OCM: variants seen among roughly 807,000 people sequenced by gnomAD.
OCM encodes the protein oncomodulin.
In OCM, 18 loss-of-function variants were observed where a neutral mutation model predicts 14.1. The ratio of observed to expected loss-of-function variants is 1.28; its 90% CI spans 0.88 to 1.89. OCM has a LOEUF of 1.89. OCM is among the 40% of genes most tolerant of loss of function. OCM has a pLI of 0.00. For missense variants in OCM, 140 were observed against 137.6 expected, an observed-to-expected ratio of 1.02 and a Z score of -0.09; for synonymous variants, 48 against 51.0, an observed-to-expected ratio of 0.94 and a Z score of 0.25.
chr7:5,870,545 G>A, the OCM span, among the ~76,000 whole-genome samples: 8 of 152,328 alleles, frequency 5.3e-5, no homozygotes, highest in East Asian at 3.9e-4. Flanking sequence ...ACTCCAGGCC[G>A]TGTAGGAAAA....
chr7:5,879,519 A>G (rs1005478197), upstream of OCM, among the ~76,000 whole-genome samples: 1 of 152,064 alleles, frequency 6.6e-6, no homozygotes, highest in African/African-American at 2.4e-5. Context: ...CCTGCCTCCA[A>G]CGGTACCTGC....
intron 1 of OCM, among the ~76,000 whole-genome samples, chr7:5,881,849 G>A (rs376273047): frequency 2.0e-5 from 3 of 151,972 alleles, no homozygotes; most frequent in African/African-American, 7.3e-5. Context: ...CACTTTGGGA[G>A]GCCGAGGCCG....
Position 5,886,208 on chromosome 7 carries a change from C to G in OCM, c.*119C>G, listed in dbSNP as rs1562532026. ...CTAATTTGTTAATTTTCCCTGAAAA[C>G]CTTCTGCAGTTTGCTCATTGTTTTA... On this transcript the variant is annotated 3_prime_UTR_variant, in exon 4 of 4. Coordinates refer to ENST00000242104, the MANE Select transcript of OCM (RefSeq NM_001097622.2). 1 of 1,292,724 alleles carries G rather than the reference C, an allele frequency of 7.7e-7. No homozygotes were observed. Among genetic ancestry groups the G allele is most frequent in the African/African-American group, 1.5e-5 (1 of 67,598 alleles). 80.1% of individuals were successfully genotyped at this position (1,292,724 alleles called of 1,614,324 possible). A position where few individuals can be genotyped will look rare whatever the true frequency, so the allele number is the denominator to read the frequency against.
At chr7:5,861,211 C>T in the OCM span, among the ~76,000 whole-genome samples, 3 of 152,082 alleles carry the variant, frequency 2.0e-5, no homozygotes, top group East Asian at 5.8e-4. Flanking sequence ...CACCTGAGGT[C>T]AGGAGTTCGA....
At chr7:5,869,597 A>T in the OCM span, among the ~76,000 whole-genome samples, 1 of 152,100 alleles carries the variant, frequency 6.6e-6, no homozygotes, top group Non-Finnish European at 1.5e-5. Context: ...CCATCTAAAA[A>T]AGAAAATTTA....
At chr7:5,878,875 T>TAAAAAAA (rs57901741), upstream of OCM, among the ~76,000 whole-genome samples, 2 of 102,022 alleles carry the variant, frequency 2.0e-5, no homozygotes, top group Admixed American at 1.1e-4. Flanking sequence ...TGCTGAAAGT[T>TAAAAAAA]AAAAAAAAAA....
At chr7:5,873,839 A>G in the OCM span, among the ~76,000 whole-genome samples, 3 of 152,008 alleles carry the variant, frequency 2.0e-5, no homozygotes, top group African/African-American at 2.4e-5. Context: ...AGAGAACATG[A>G]AAGTGGGTCC....
chr7:5,876,494 G>T (rs1336592462), upstream of OCM, among the ~76,000 whole-genome samples: 1 of 152,124 alleles, frequency 6.6e-6, no homozygotes, highest in Non-Finnish European at 1.5e-5. Context: ...ATGCTGGTTG[G>T]GAATCGTATT....
chr7:5,877,197 G>A (rs760902917), upstream of OCM, among the ~76,000 whole-genome samples: 1 of 152,030 alleles, frequency 6.6e-6, no homozygotes, highest in East Asian at 1.9e-4. Flanking sequence ...GGGCACAGTG[G>A]CTCATGCCTT....
chr7:5,866,601 G>A, the OCM span, among the ~76,000 whole-genome samples: 3 of 152,148 alleles, frequency 2.0e-5, no homozygotes, highest in Non-Finnish European at 2.9e-5. Context: ...AAAACCAAAT[G>A]TGTTGTTTGA....
chr7:5,880,240 G>C (rs531481035), upstream of OCM, among the ~76,000 whole-genome samples: 1 of 152,320 alleles, frequency 6.6e-6, no homozygotes, highest in South Asian at 2.1e-4. Flanking sequence ...GCCAGTGCAT[G>C]TGTAACATGG....
At chr7:5,877,362 G>A (rs1461599026), upstream of OCM, among the ~76,000 whole-genome samples, 2 of 151,784 alleles carry the variant, frequency 1.3e-5, no homozygotes, top group Admixed American at 1.3e-4. Context: ...CAGCCTCCTG[G>A]GAGGCTGAGC....
At chr7:5,865,199 A>G in the OCM span, among the ~76,000 whole-genome samples, 1 of 152,134 alleles carries the variant, frequency 6.6e-6, no homozygotes, top group Admixed American at 6.5e-5. Flanking sequence ...TGTGATTTGC[A>G]AATGCCTGCA....
upstream of OCM, among the ~76,000 whole-genome samples, chr7:5,876,870 A>G (rs1469260418): frequency 1.4e-5 from 2 of 147,428 alleles, no homozygotes; most frequent in South Asian, 4.3e-4. Context: ...CAATGGTGCG[A>G]TCTCGGCTCA....
At chr7:5,863,167 G>A in the OCM span, among the ~76,000 whole-genome samples, 1 of 152,124 alleles carries the variant, frequency 6.6e-6, no homozygotes, top group South Asian at 2.1e-4. Context: ...TTGGGAGAAT[G>A]GGACCATTTG....
At chr7:5,864,870 G>A in the OCM span, among the ~76,000 whole-genome samples, 86 of 151,990 alleles carry the variant, frequency 5.7e-4, no homozygotes, top group Non-Finnish European at 1.0e-3. Context: ...CCCGGGAGGC[G>A]GAGGTTGCAG....
At chr7:5,864,358 AAAAG>A in the OCM span, among the ~76,000 whole-genome samples, 1 of 151,506 alleles carries the variant, frequency 6.6e-6, no homozygotes, top group Admixed American at 6.6e-5. Flanking sequence ...AAAAAAAAAA[AAAAG>A]GAAGAATGAC....
chr7:5,879,876 G>C (rs961575410), upstream of OCM: 14 of 151,984 alleles, frequency 9.2e-5, no homozygotes, highest in African/African-American at 3.4e-4. Context: ...ATATAAGGTA[G>C]GTCAGTAAGG....
upstream of OCM, among the ~76,000 whole-genome samples, chr7:5,880,644 A>G (rs896287140): frequency 5.3e-5 from 8 of 152,096 alleles, no homozygotes; most frequent in Admixed American, 5.2e-4. Context: ...CTGTAATCCC[A>G]GCTACTGGGA....
Sources: gnomAD v4.1 joint callset for allele counts (sites outside exome capture counted in the v4.1 genomes callset) on GRCh38, gnomAD v4.1.1 for gene constraint, MANE v1.5 for transcripts, NCBI Gene and HGNC (gene_info 2026-07-23, HGNC 2026-07-21) for gene names.